DORIP1: variants seen among roughly 807,000 people sequenced by gnomAD.
DORIP1 encodes the protein dopamine receptor-interacting protein 1.
At chr14:44,904,584 T>TTA in the DORIP1 span, 4 of 1,481,700 alleles carry the variant, frequency 2.7e-6, no homozygotes, top group Non-Finnish European at 2.7e-6. Flanking sequence ...ATTTATCCTG[T>TTA]TATATTATGA....
the DORIP1 span, chr14:44,900,490 G>C: frequency 6.4e-7 from 1 of 1,573,144 alleles, no homozygotes; most frequent in Non-Finnish European, 8.6e-7. Context: ...CTATAACCAA[G>C]ATCGATCATT....
At chr14:44,905,449 C>T in the DORIP1 span, 6 of 1,574,334 alleles carry the variant, frequency 3.8e-6, no homozygotes, top group Admixed American at 1.7e-5. Flanking sequence ...ACATTGGATG[C>T]ACTATGATGG....
the DORIP1 span, among the ~76,000 whole-genome samples, chr14:44,902,445 A>G: frequency 2.6e-5 from 4 of 152,086 alleles, no homozygotes; most frequent in African/African-American, 4.8e-5. Context: ...CTCCTGTCTC[A>G]GCACCCCCAA....
chr14:44,905,792 A>C, the DORIP1 span: 1 of 264,230 alleles, frequency 3.8e-6, no homozygotes, highest in East Asian at 6.7e-5. Context: ...GGAATAAAAT[A>C]TATCTTGTGG....
chr14:44,904,452 TG>T, the DORIP1 span: 1 of 1,612,208 alleles, frequency 6.2e-7, no homozygotes, highest in Non-Finnish European at 8.5e-7. Flanking sequence ...CACCCCCTTT[TG>T]TTGTCTTAAA....
chr14:44,904,123 CAG>C, the DORIP1 span: 11 of 985,182 alleles, frequency 1.1e-5, no homozygotes, highest in Middle Eastern at 5.2e-4. Context: ...ATCAGTTCTG[CAG>C]AGTTATGCTT....
chr14:44,901,054 C>T, the DORIP1 span: 2 of 1,220,662 alleles, frequency 1.6e-6, no homozygotes, highest in African/African-American at 3.1e-5. Flanking sequence ...ACATTTGGGT[C>T]AACAAAGGAC....
chr14:44,905,786 T>TA, the DORIP1 span: 1 of 275,750 alleles, frequency 3.6e-6, no homozygotes, highest in Non-Finnish European at 6.7e-6. Flanking sequence ...TATGTTGGAA[T>TA]AAAATATATC....
chr14:44,904,224 A>G, the DORIP1 span: 1 of 985,244 alleles, frequency 1.0e-6, no homozygotes. Flanking sequence ...AAACTTCTGG[A>G]ACTATTAGGT....
chr14:44,897,531 G>T, the DORIP1 span: 2 of 205,846 alleles, frequency 9.7e-6, no homozygotes, highest in Non-Finnish European at 9.5e-6. Flanking sequence ...CGGCGGCGAC[G>T]GGTGCGGCGG....
the DORIP1 span, chr14:44,905,367 G>T: frequency 6.7e-6 from 10 of 1,493,968 alleles, no homozygotes; most frequent in Non-Finnish European, 9.1e-6. Context: ...TAATTTGCAG[G>T]TATTTGTTGG....
the DORIP1 span, chr14:44,900,692 G>C: frequency 1.2e-6 from 2 of 1,613,376 alleles, no homozygotes; most frequent in Admixed American, 1.7e-5. Context: ...CATTTTGGTA[G>C]AGAGTTTGTA....
At chr14:44,900,276 C>T in the DORIP1 span, 42 of 571,974 alleles carry the variant, frequency 7.3e-5, no homozygotes, top group African/African-American at 3.7e-4. Flanking sequence ...GCATAGTGCG[C>T]GAAAAGTGGC....
At chr14:44,897,473 C>T in the DORIP1 span, 3 of 196,008 alleles carry the variant, frequency 1.5e-5, no homozygotes, top group Non-Finnish European at 1.0e-5. Context: ...GATGAGGCAG[C>T]GGCGGCGGCG....
the DORIP1 span, among the ~76,000 whole-genome samples, chr14:44,901,605 A>C: frequency 6.6e-6 from 1 of 152,240 alleles, no homozygotes; most frequent in African/African-American, 2.4e-5. Flanking sequence ...AGTGTCACAA[A>C]TGTAACCTCT....
At chr14:44,899,190 TAACA>T in the DORIP1 span, 1 of 152,322 alleles carries the variant, frequency 6.6e-6, no homozygotes, top group South Asian at 2.1e-4. Flanking sequence ...GTGCGCTATA[TAACA>T]TACATATAAC....
At chr14:44,901,792 CTTTTA>C in the DORIP1 span, among the ~76,000 whole-genome samples, 1 of 152,116 alleles carries the variant, frequency 6.6e-6, no homozygotes, top group Non-Finnish European at 1.5e-5. Context: ...ATGTAAGCAG[CTTTTA>C]TTTTGACTAG....
At chr14:44,903,963 C>T in the DORIP1 span, 1 of 975,668 alleles carries the variant, frequency 1.0e-6, no homozygotes, top group Admixed American at 6.2e-5. Context: ...ATATTCTGAT[C>T]CATATACTTA....
chr14:44,898,995 C>G, the DORIP1 span: 1 of 152,136 alleles, frequency 6.6e-6, no homozygotes, highest in East Asian at 1.9e-4. Flanking sequence ...AAATAAGACA[C>G]TGATCTCAGT....
Sources: allele counts gnomAD v4.1 joint callset (sites outside exome capture counted in the v4.1 genomes callset), GRCh38; gene constraint gnomAD v4.1.1; transcripts MANE v1.5; gene names NCBI Gene and HGNC (gene_info 2026-07-23, HGNC 2026-07-21).